Variants in ABCB1 observed in about 807,000 individuals in gnomAD.
The protein encoded by ABCB1 is ATP binding cassette subfamily B member 1, also known as ATP-dependent translocase ABCB1.
In ABCB1, 69 loss-of-function variants were observed where a neutral mutation model predicts 142.0. The observed-to-expected ratio is 0.49, with a 90% CI of 0.40 to 0.59. The LOEUF (loss-of-function observed/expected upper bound fraction) is 0.59. Among genes scored for constraint, ABCB1 ranks in the 20% least tolerant of loss-of-function variants. The probability of loss-of-function intolerance (pLI) is 0.00; values close to 1 mark genes in which losing one functional copy is unlikely to be tolerated. For missense variants in ABCB1, 1,326 were observed against 1,554.7 expected, an observed-to-expected ratio of 0.85 and a Z score of 2.47; for synonymous variants, 532 against 539.2, an observed-to-expected ratio of 0.99 and a Z score of 0.18.
At chr7:87,504,600 T>C (rs2117054488) in intron 27 of ABCB1, 151 bp from the exon 28 acceptor site, 2 of 1,011,340 alleles carry the variant, frequency 2.0e-6, no homozygotes, top group Middle Eastern at 3.0e-4. Context: ...CAAGGTCAGA[T>C]TGAGACCATC....
chr7:87,594,510 T>A (rs1819117874), intron 3 of ABCB1, among the ~76,000 whole-genome samples: 1 of 152,116 alleles, frequency 6.6e-6, no homozygotes, highest in Admixed American at 6.5e-5. Context: ...TTTAAAAAAA[T>A]TTAACTACAA....
rs552057859 is a variant in ABCB1, at chr7:87,685,073, C to CA, written c.-331+28087dup. ...AACAACAAAAGTACAATCCATTAAACAAAAAAAATTGATAAAGTGGACTTC... is the reference window on the plus strand; with the variant it reads ...AACAACAAAAGTACAATCCATTAAACAAAAAAAAATTGATAAAGTGGACTTC... On this transcript the variant is annotated intron_variant, in intron 1 of 28. Transcript: ENST00000265724. Among the ~76,000 whole-genome samples the CA allele has an allele frequency of 2.2e-4, 33 of 151,610 alleles. No homozygotes were observed. The East Asian group carries it at 3.5e-3, about 16-fold the overall frequency.
At chr7:87,553,609 C>A (rs1017483828) in intron 9 of ABCB1, 152 bp downstream of exon 9, 35 of 803,982 alleles carry the variant, frequency 4.4e-5, no homozygotes, top group Non-Finnish European at 6.1e-5. Context: ...TGTGAGCCAC[C>A]GTGCCTGGCC....
intron 2 of ABCB1, among the ~76,000 whole-genome samples, chr7:87,596,839 A>C (rs1370477877): frequency 6.6e-6 from 1 of 152,072 alleles, no homozygotes; most frequent in African/African-American, 2.4e-5. Flanking sequence ...GGTCCCACCC[A>C]ATTCCCAGTA....
intron 1 of ABCB1, among the ~76,000 whole-genome samples, chr7:87,645,605 A>G (rs149034641): frequency 6.6e-6 from 1 of 152,248 alleles, no homozygotes; most frequent in Non-Finnish European, 1.5e-5. Context: ...TTATTTAAAA[A>G]TCATTCCTTT....
chr7:87,544,109 C>T lies in ABCB1; in HGVS notation c.2211+20G>A, dbSNP rs1231307438. On this transcript the variant is annotated intron_variant, in intron 17 of 27. Transcript: ENST00000622132. ...CATCAGGATTCACAAGTAAATCACACAAATGGGCATCACACTTACCCCTAT... is the reference window on the plus strand; with the variant it reads ...CATCAGGATTCACAAGTAAATCACATAAATGGGCATCACACTTACCCCTAT... 3 of 1,613,416 alleles carry T rather than the reference C, an allele frequency of 1.9e-6. No homozygotes were observed. The African/African-American group carries it at 4.0e-5, about 22-fold the overall frequency.
chr7:87,556,403 T>G (rs1406483117), intron 8 of ABCB1, among the ~76,000 whole-genome samples: 1 of 152,230 alleles, frequency 6.6e-6, no homozygotes, highest in Non-Finnish European at 1.5e-5. Context: ...TTATTTTAAC[T>G]TCTGGTTAAA....
chr7:87,676,926 A>G lies in ABCB1; in HGVS notation c.-331+36235T>C, dbSNP rs915754064. Among the ~76,000 whole-genome samples, 3 of 152,206 alleles carry G rather than the reference A, an allele frequency of 2.0e-5. No homozygotes were observed. The East Asian group carries it at 5.8e-4, about 29-fold the overall frequency. On this transcript the variant is annotated intron_variant, in intron 1 of 28. Coordinates refer to the ABCB1 transcript ENST00000265724. ...GCAAATCTAAACCACAAAATTTAAT[A>G]ATGCCTTACATCTGTCTAGATGGCC...
intron 9 of ABCB1, among the ~76,000 whole-genome samples, 167 bp from the exon 10 acceptor site, chr7:87,551,005 A>G (rs1817042122): frequency 6.6e-6 from 1 of 152,168 alleles, no homozygotes. Flanking sequence ...CTAACAGTAC[A>G]TTTAATTCCT....
At chr7:87,546,698 C>A (rs1279538170) in intron 14 of ABCB1, among the ~76,000 whole-genome samples, 2 of 152,136 alleles carry the variant, frequency 1.3e-5, no homozygotes, top group African/African-American at 4.8e-5. Context: ...GTAATCAGCC[C>A]TAGGAATTAT....
intron 19 of ABCB1, among the ~76,000 whole-genome samples, chr7:87,538,467 G>C (rs1279227566): frequency 3.9e-5 from 6 of 152,154 alleles, no homozygotes; most frequent in African/African-American, 1.4e-4. Context: ...ATGCCCTCTA[G>C]AAAGCCTAAC....
intron 1 of ABCB1, among the ~76,000 whole-genome samples, chr7:87,667,771 A>T (rs749295447): frequency 2.0e-5 from 3 of 152,082 alleles, no homozygotes; most frequent in Non-Finnish European, 2.9e-5. Flanking sequence ...AGTTCTGTTT[A>T]TGTGATGAAT....
chr7:87,595,173 T>C (rs1358393999), intron 3 of ABCB1, among the ~76,000 whole-genome samples: 5 of 152,126 alleles, frequency 3.3e-5, no homozygotes, highest in Admixed American at 2.6e-4. Context: ...AAAACCACTG[T>C]GCAACCAGAA....
intron 3 of ABCB1, among the ~76,000 whole-genome samples, chr7:87,589,176 G>C (rs911005074): frequency 2.0e-5 from 3 of 152,112 alleles, no homozygotes; most frequent in Non-Finnish European, 2.9e-5. Flanking sequence ...AGTTTATTAG[G>C]AAGGAGACTT....
intron 2 of ABCB1, among the ~76,000 whole-genome samples, chr7:87,596,691 C>A (rs1039873215): frequency 2.6e-5 from 4 of 151,958 alleles, no homozygotes; most frequent in African/African-American, 9.7e-5. Context: ...GTAAATTCAT[C>A]TTTGTCTTTG....
At chr7:87,619,320 C>T (rs923862493) in intron 1 of ABCB1, among the ~76,000 whole-genome samples, 1 of 152,102 alleles carries the variant, frequency 6.6e-6, no homozygotes, top group Non-Finnish European at 1.5e-5. Context: ...GGGCAGATCA[C>T]TTGAGGTCAT....
chr7:87,578,134 A>C (rs747938982), intron 4 of ABCB1, among the ~76,000 whole-genome samples: 2 of 152,184 alleles, frequency 1.3e-5, no homozygotes, highest in African/African-American at 2.4e-5. Context: ...ATTTTTATGC[A>C]TATGGATATC....
chr7:87,593,942 C>G (rs933343090), intron 3 of ABCB1, among the ~76,000 whole-genome samples: 9 of 152,168 alleles, frequency 5.9e-5, no homozygotes, highest in Non-Finnish European at 1.3e-4. Context: ...TCTGGGTCCT[C>G]CTAGTCTGAA....
At chr7:87,527,138 A>G (rs1457646285) in intron 21 of ABCB1, among the ~76,000 whole-genome samples, 2 of 151,954 alleles carry the variant, frequency 1.3e-5, no homozygotes, top group African/African-American at 4.8e-5. Flanking sequence ...CTATCTTGAC[A>G]TTTTTTTAAA....
Sources: allele counts gnomAD v4.1 joint callset (sites outside exome capture counted in the v4.1 genomes callset), GRCh38; gene constraint gnomAD v4.1.1; transcripts MANE v1.5; gene names NCBI Gene and HGNC (gene_info 2026-07-23, HGNC 2026-07-21).